MARVELD2: variants seen among roughly 807,000 people sequenced by gnomAD.
MARVELD2 encodes the protein MARVEL domain containing 2.
In MARVELD2, 49 loss-of-function variants were observed where a neutral mutation model predicts 57.6. That is an observed-to-expected ratio of 0.85 (90% CI 0.68 to 1.08). MARVELD2 has a LOEUF of 1.08. Ranked by LOEUF, MARVELD2 falls within the 50% of genes least tolerant of loss-of-function variation. The probability of loss-of-function intolerance (pLI) is 0.00; values close to 1 mark genes in which losing one functional copy is unlikely to be tolerated. For missense variants in MARVELD2, 606 were observed against 701.1 expected (o/e 0.86, Z 1.53); for synonymous variants, 238 against 258.8 (o/e 0.92, Z 0.77).
Position 69,420,277 on chromosome 5 carries a change from G to A in MARVELD2, c.892G>A (p.Val298Ile), listed in dbSNP as rs1313802557. Reference sequence around the variant, plus strand: ...GCCCCTAACTGAATTTGGAATTAACGTTGCCTTGTTTATTTTGTATATGGC... The same window carrying A: ...GCCCCTAACTGAATTTGGAATTAACATTGCCTTGTTTATTTTGTATATGGC... ...WWPLTEFGIN[V>I]ALFILYMAAA... Residue 298 changes from valine (V) to isoleucine (I), a missense_variant, in exon 2 of 7, where the codon GTT (valine) becomes ATT (isoleucine). Coordinates refer to ENST00000325631, the MANE Select transcript of MARVELD2 (RefSeq NM_001038603.3). 1.2e-6 allele frequency: 2 copies of A among 1,614,110 alleles called. No homozygotes were observed. Among genetic ancestry groups the A allele is most frequent in the East Asian group, 2.2e-5 (1 of 44,880 alleles).
chr5:69,433,477 A>G, intron 5 of MARVELD2: 1 of 205,860 alleles, frequency 4.9e-6, no homozygotes, highest in Non-Finnish European at 9.0e-6. Flanking sequence ...TTTTTTTTTT[A>G]AGGCTAGAAT....
In MARVELD2 at chr5:69,440,263, T is replaced by C. The variant is rs543347764; in HGVS notation, c.1504-187T>C. 3.8e-4 allele frequency among the ~76,000 whole-genome samples: 58 copies of C among 152,294 alleles called. 2 individuals carry two copies. In the South Asian group the frequency reaches 0.011, roughly 30 times the overall value. Reference sequence around the variant, plus strand: ...ATGTGGTCAGGGCCCTTTCTCTCTTTTATCGCCTGGGCCTAGCAGACAGTA... The same window carrying C: ...ATGTGGTCAGGGCCCTTTCTCTCTTCTATCGCCTGGGCCTAGCAGACAGTA... On this transcript the variant is annotated intron_variant, in intron 5 of 6. Coordinates refer to ENST00000325631, the MANE Select transcript of MARVELD2 (RefSeq NM_001038603.3).
intron 2 of MARVELD2, among the ~76,000 whole-genome samples, chr5:69,424,383 C>T (rs1286379858): frequency 6.6e-6 from 1 of 152,140 alleles, no homozygotes; most frequent in East Asian, 1.9e-4. Context: ...ATTCCCTACT[C>T]CTCTCTATGC....
At chr5:69,419,116 G>A in intron 1 of MARVELD2, 1 of 545,904 alleles carries the variant, frequency 1.8e-6, no homozygotes, top group Non-Finnish European at 3.3e-6. Context: ...AGTAGAGATA[G>A]TGTTTCACCA....
chr5:69,434,736 G>C (rs554980045), intron 5 of MARVELD2, among the ~76,000 whole-genome samples: 120 of 151,818 alleles, frequency 7.9e-4, no homozygotes, highest in African/African-American at 2.8e-3. Flanking sequence ...TGCTCTTGTT[G>C]CCCAGGCTGG....
In MARVELD2 at chr5:69,419,358, A is replaced by C. The variant is rs770695993; in HGVS notation, c.-15-13A>C. 1 of 1,613,918 alleles carries C rather than the reference A, an allele frequency of 6.2e-7. No individual in the cohort carries two copies. The highest frequency in any genetic ancestry group is 8.5e-7 in the Non-Finnish European group (1 of 1,179,830). On this transcript the variant is annotated splice_polypyrimidine_tract_variant and intron_variant, in intron 1 of 6. Coordinates refer to ENST00000325631, the MANE Select transcript of MARVELD2 (RefSeq NM_001038603.3). ...TAACTAATCATAAGTGATAACTTTA[A>C]ATTTGGCCACAGGTGTGAAAATCAC...
Position 69,420,357 on chromosome 5 carries a change from G to A in MARVELD2, c.972G>A (p.Pro324=), listed in dbSNP as rs1318298116. 8 of 1,614,174 alleles carry A rather than the reference G, an allele frequency of 5.0e-6. No individual in the cohort carries two copies. The highest frequency in any genetic ancestry group is 1.1e-5 in the South Asian group (1 of 91,086). Residue 324 remains proline, a synonymous_variant, in exon 2 of 7, where the codon CCG becomes CCA. Transcript: ENST00000325631. The part of the protein sequence containing the change: ...DTNRGGLCYY[P]LFNTPVNAVF... The stretch of plus-strand genomic sequence containing the variant: ...ACCGAGGTGGCCTCTGCTACTATCC[G>A]TTATTTAATACACCAGTGAATGCAG...
intron 1 of MARVELD2, among the ~76,000 whole-genome samples, chr5:69,416,451 T>C (rs957360076): frequency 6.6e-6 from 1 of 152,216 alleles, no homozygotes; most frequent in Admixed American, 6.5e-5. Context: ...CCTGTGTGCC[T>C]TGCTTGCCCT....
chr5:69,415,314 G>T (rs1210574278), intron 1 of MARVELD2, 144 bp downstream of exon 1: 1 of 152,046 alleles, frequency 6.6e-6, no homozygotes, highest in African/African-American at 2.4e-5. Flanking sequence ...AGGGATCCGG[G>T]GAGGCCCGCG....
chr5:69,431,087 A>G (rs545810427), intron 3 of MARVELD2, among the ~76,000 whole-genome samples: 27 of 140,718 alleles, frequency 1.9e-4, no homozygotes, highest in Non-Finnish European at 3.8e-4. Flanking sequence ...AAGCCCCTGC[A>G]CCTGGCCTCA....
intron 2 of MARVELD2, among the ~76,000 whole-genome samples, chr5:69,423,267 G>A (rs1032763677): frequency 3.9e-5 from 6 of 151,996 alleles, no homozygotes; most frequent in Admixed American, 3.9e-4. Context: ...GTTGTTGATG[G>A]TTTGTTTTGA....
chr5:69,442,983 C>T lies in MARVELD2; in HGVS notation c.*1329C>T, dbSNP rs1041350731. 2 of 152,014 alleles carry T rather than the reference C, an allele frequency of 1.3e-5. No homozygotes were observed. The highest frequency in any genetic ancestry group is 4.8e-5 in the African/African-American group (2 of 41,360). The allele number at this position is 152,014 out of a possible 1,614,324, so 9.4% of individuals were successfully genotyped here. ...AGCTGGGACTACAGGCACCTGCCAC[C>T]ACGCCCAGCTAATTTTTTTGTATTT... On this transcript the variant is annotated 3_prime_UTR_variant, in exon 7 of 7. Coordinates refer to ENST00000325631, the MANE Select transcript of MARVELD2 (RefSeq NM_001038603.3).
At chr5:69,432,298 A>T (rs1482340250) in intron 3 of MARVELD2, among the ~76,000 whole-genome samples, 1 of 152,048 alleles carries the variant, frequency 6.6e-6, no homozygotes, top group Non-Finnish European at 1.5e-5. Flanking sequence ...GGCGTGAGCC[A>T]CTGTGCCTGG....
At chr5:69,427,348 A>G (rs1224473282) in intron 3 of MARVELD2, among the ~76,000 whole-genome samples, 2 of 152,072 alleles carry the variant, frequency 1.3e-5, no homozygotes, top group African/African-American at 4.8e-5. Context: ...GAGAATCAAG[A>G]ATTGGAGAAA....
Position 69,441,747 on chromosome 5 carries a change from A to G in MARVELD2, c.*93A>G, listed in dbSNP as rs1225554060. 5.5e-6 allele frequency: 5 copies of G among 903,448 alleles called. No individual in the cohort carries two copies. Among genetic ancestry groups the G allele is most frequent in the African/African-American group, 1.7e-5 (1 of 59,346 alleles). The allele number at this position is 903,448 out of a possible 1,614,324, so 56.0% of individuals were successfully genotyped here. A position where few individuals can be genotyped will look rare whatever the true frequency, so the allele number is the denominator to read the frequency against. ...ACCCAGGCTGGAATGCAGTGGCACA[A>G]TCTCGGCTCACTGCAACCTCCACCT... On this transcript the variant is annotated 3_prime_UTR_variant, in exon 7 of 7. Transcript: ENST00000325631.
At position 69,441,952 on chromosome 5, in the gene MARVELD2, C is replaced by A. The variant is rs1206360467; in HGVS notation, c.*298C>A. On this transcript the variant is annotated 3_prime_UTR_variant, in exon 7 of 7. Coordinates refer to ENST00000325631, the MANE Select transcript of MARVELD2 (RefSeq NM_001038603.3). ...TAGCAAGTTTACTATTTATTTACTGCCTTTTTAATGCTAGCCTCTGTGGTA... is the reference window on the plus strand; with the variant it reads ...TAGCAAGTTTACTATTTATTTACTGACTTTTTAATGCTAGCCTCTGTGGTA... The A allele has an allele frequency of 8.6e-6, 2 of 232,208 alleles. No individual in the cohort carries two copies. Among genetic ancestry groups the A allele is most frequent in the Non-Finnish European group, 1.7e-5 (2 of 116,878 alleles). 14.4% of individuals were successfully genotyped at this position (232,208 alleles called of 1,614,324 possible).
intron 5 of MARVELD2, among the ~76,000 whole-genome samples, chr5:69,434,757 C>T (rs1473189162): frequency 3.3e-5 from 5 of 151,864 alleles, no homozygotes; most frequent in South Asian, 2.1e-4. Context: ...AGTGCCATGG[C>T]GCGATCTCGG....
At position 69,442,463 on chromosome 5, in the gene MARVELD2, G is replaced by A. The variant is rs1215923498; in HGVS notation, c.*809G>A. On this transcript the variant is annotated 3_prime_UTR_variant, in exon 7 of 7. Coordinates refer to ENST00000325631, the MANE Select transcript of MARVELD2 (RefSeq NM_001038603.3). ...GCCTGTTTCCTCTTCTGTAAAATGG[G>A]GCTAATAATAGTTCCTTCCTCATAG... 3 of 152,210 alleles carry A rather than the reference G, an allele frequency of 2.0e-5. No individual in the cohort carries two copies. The highest frequency in any genetic ancestry group is 2.9e-5 in the Non-Finnish European group (2 of 68,034). The allele number at this position is 152,210 out of a possible 1,614,324, so 9.4% of individuals were successfully genotyped here. A position where few individuals can be genotyped will look rare whatever the true frequency, so the allele number is the denominator to read the frequency against.
chr5:69,420,006 C>G lies in MARVELD2; in HGVS notation c.621C>G (p.Val207=), dbSNP rs1292850835. The change falls in exon 2 of 7, where the codon GTC becomes GTG. Residue 207 remains valine, a synonymous_variant. Transcript: ENST00000325631. ...TGGAGCTGCTTTTGGGGGCCGGTGT[C>G]TTTGCTTGTGTCACAGCTTACATTC... The part of the protein sequence containing the change: ...GVVELLLGAG[V]FACVTAYIHK... The G allele has an allele frequency of 7.4e-6, 12 of 1,614,028 alleles. No homozygotes were observed. Among genetic ancestry groups the G allele is most frequent in the Non-Finnish European group, 1.0e-5 (12 of 1,180,036 alleles).
Sources: gnomAD v4.1 joint callset for allele counts (sites outside exome capture counted in the v4.1 genomes callset) on GRCh38, gnomAD v4.1.1 for gene constraint, MANE v1.5 for transcripts, NCBI Gene and HGNC (gene_info 2026-07-23, HGNC 2026-07-21) for gene names.